GRID1: variants seen among roughly 807,000 people sequenced by gnomAD.
The protein encoded by GRID1 is glutamate ionotropic receptor delta type subunit 1, also known as glutamate receptor ionotropic, delta-1.
Under a neutral mutation model 98.0 loss-of-function variants are expected in GRID1, and 28 were observed. That is an observed-to-expected ratio of 0.29 (90% CI 0.21 to 0.39). The LOEUF (loss-of-function observed/expected upper bound fraction) is 0.39. GRID1 is among the 10% of genes least tolerant of loss of function. The pLI is 1.00. For synonymous variants in GRID1, 553 were observed against 538.5 expected (o/e 1.03, Z -0.37); for missense variants, 1,111 against 1,340.5 (o/e 0.83, Z 2.67).
chr10:86,245,199 G>T (rs1846703793), intron 2 of GRID1, among the ~76,000 whole-genome samples: 1 of 152,226 alleles, frequency 6.6e-6, no homozygotes, highest in Admixed American at 6.5e-5. Context: ...GGGCTCTGGG[G>T]GAGTGGATTA....
At chr10:85,736,193 A>T in intron 8 of GRID1, among the ~76,000 whole-genome samples, 1 of 126,616 alleles carries the variant, frequency 7.9e-6, no homozygotes, top group Admixed American at 8.0e-5. Flanking sequence ...GGAAGGAGGG[A>T]AGGAAGGAAG....
At chr10:85,985,304 G>C (rs546230596) in intron 4 of GRID1, among the ~76,000 whole-genome samples, 44 of 152,302 alleles carry the variant, frequency 2.9e-4, no homozygotes, top group Middle Eastern at 3.4e-3. Flanking sequence ...TTGAGCCCAG[G>C]CCACTCTGAT....
chr10:86,164,019 C>G (rs1845362428), intron 3 of GRID1, among the ~76,000 whole-genome samples: 1 of 152,196 alleles, frequency 6.6e-6, no homozygotes, highest in African/African-American at 2.4e-5. Context: ...GCTGCTCACT[C>G]CAGCTGGCCA....
chr10:85,787,738 G>A lies in GRID1; in HGVS notation c.1234-58124C>T, dbSNP rs1402365868. 2.6e-5 allele frequency among the ~76,000 whole-genome samples: 4 copies of A among 152,218 alleles called. No individual in the cohort carries two copies. In the South Asian group the frequency reaches 6.2e-4, roughly 24 times the overall value. ...TTGCATCCCCACCATCACCCAGCCG[G>A]CCTAAATGGGTGGGTCTGCTGCCAA... On this transcript the variant is annotated intron_variant, in intron 8 of 15. Coordinates refer to ENST00000327946, the MANE Select transcript of GRID1 (RefSeq NM_017551.3).
chr10:85,804,079 T>G (rs1842600827), intron 8 of GRID1, among the ~76,000 whole-genome samples: 1 of 148,842 alleles, frequency 6.7e-6, no homozygotes, highest in Admixed American at 6.7e-5. Flanking sequence ...AGAAAATATA[T>G]AAAGACAAAA....
chr10:86,296,781 A>G (rs78217568), intron 2 of GRID1, among the ~76,000 whole-genome samples: 1 of 117,260 alleles, frequency 8.5e-6, no homozygotes, highest in Non-Finnish European at 1.9e-5. Context: ...ATGCATACAT[A>G]CACACATACA....
At chr10:85,770,081 A>G (rs1415864033) in intron 8 of GRID1, among the ~76,000 whole-genome samples, 1 of 152,152 alleles carries the variant, frequency 6.6e-6, no homozygotes, top group Admixed American at 6.5e-5. Flanking sequence ...ACCCCCCAGT[A>G]GGGGCAGACT....
At chr10:85,643,985 G>A (rs1843155848) in intron 13 of GRID1, 1 of 152,180 alleles carries the variant, frequency 6.6e-6, no homozygotes. Context: ...CAATGGACAA[G>A]GGGTAGCTAG....
intron 3 of GRID1, among the ~76,000 whole-genome samples, chr10:86,165,148 GA>G (rs140674947): frequency 2.7e-5 from 4 of 150,368 alleles, no homozygotes; most frequent in East Asian, 3.9e-4. Context: ...ACCAATAGAG[GA>G]AAAAAAAAAT....
intron 4 of GRID1, among the ~76,000 whole-genome samples, chr10:85,956,744 T>C (rs1486330918): frequency 6.6e-6 from 1 of 152,168 alleles, no homozygotes; most frequent in East Asian, 1.9e-4. Flanking sequence ...AGAGTAGGCA[T>C]GGGAAGCGTC....
chr10:86,337,803 G>A (rs112975175), intron 2 of GRID1, among the ~76,000 whole-genome samples: 1,770 of 143,488 alleles, frequency 0.012, 40 homozygotes, highest in African/African-American at 0.044. Context: ...GGTCTCCCAG[G>A]TTCAAGTGAT....
chr10:85,747,137 G>T (rs1486399953), intron 8 of GRID1, among the ~76,000 whole-genome samples: 1 of 152,106 alleles, frequency 6.6e-6, no homozygotes, highest in Non-Finnish European at 1.5e-5. Flanking sequence ...GCTCAGAACG[G>T]TTAGGTGATT....
rs150403696 is a variant in GRID1, at chr10:86,259,658, CTGTG to C, written c.236-53014_236-53011del. Among the ~76,000 whole-genome samples the C allele has an allele frequency of 2.2e-3, 329 of 150,272 alleles. 1 individual carries two copies. Among genetic ancestry groups the C allele is most frequent in the East Asian group, 7.8e-3 (40 of 5,136 alleles). ...CAGTTGCATTCCTAATAACACATGT[CTGTG>C]TGTGTGTGTGTGTGTGCACGCACAT... On this transcript the variant is annotated intron_variant, in intron 2 of 15. Transcript: ENST00000327946.
chr10:86,314,943 C>T (rs909309329), intron 2 of GRID1, among the ~76,000 whole-genome samples: 3 of 152,092 alleles, frequency 2.0e-5, no homozygotes, highest in Non-Finnish European at 4.4e-5. Context: ...TCCCTGAAGC[C>T]CTCCCCTGCT....
At chr10:85,700,270 G>T (rs1020021299) in intron 12 of GRID1, among the ~76,000 whole-genome samples, 6 of 152,136 alleles carry the variant, frequency 3.9e-5, no homozygotes, top group African/African-American at 1.2e-4. Flanking sequence ...TAATAAAAGA[G>T]AAAAACAGAC....
intron 2 of GRID1, among the ~76,000 whole-genome samples, chr10:86,268,922 G>A (rs1185545646): frequency 2.0e-5 from 3 of 150,630 alleles, no homozygotes; most frequent in South Asian, 2.1e-4. Context: ...CCTGTGAGGC[G>A]GAGGTTGCAG....
intron 12 of GRID1, among the ~76,000 whole-genome samples, chr10:85,695,872 T>C (rs1216072613): frequency 4.8e-4 from 73 of 152,116 alleles, no homozygotes; most frequent in Admixed American, 4.8e-3. Context: ...AATTCAGAAT[T>C]TATAAGAGAC....
At chr10:85,843,523 T>C (rs892918446) in intron 8 of GRID1, among the ~76,000 whole-genome samples, 5 of 151,970 alleles carry the variant, frequency 3.3e-5, no homozygotes, top group Admixed American at 1.3e-4. Context: ...AATAAAATGA[T>C]TGCAAACTAT....
intron 15 of GRID1, chr10:85,606,046 A>C (rs2280012): frequency 0.15 from 22,678 of 152,244 alleles, 2,278 homozygotes; most frequent in African/African-American, 0.28. Flanking sequence ...TCCGGTAATA[A>C]TGGAGCATTT....
Sources: gnomAD v4.1 joint callset for allele counts (sites outside exome capture counted in the v4.1 genomes callset) on GRCh38, gnomAD v4.1.1 for gene constraint, MANE v1.5 for transcripts, NCBI Gene and HGNC (gene_info 2026-07-23, HGNC 2026-07-21) for gene names.